The following DMD variants were observed in gnomAD, a reference collection of about 807,000 sequenced individuals.
DMD encodes the protein dystrophin.
DMD carries 63 observed loss-of-function variants against 330.1 expected under a neutral mutation model. That is an observed-to-expected ratio of 0.19 (90% CI 0.16 to 0.24). DMD has a LOEUF of 0.24. Ranked by LOEUF, DMD falls within the 10% of genes least tolerant of loss-of-function variation. DMD has a pLI of 1.00. For missense variants in DMD, 3,344 were observed against 2,684.1 expected (o/e 1.25, Z -5.43); for synonymous variants, 1,223 against 959.8 (o/e 1.27, Z -5.07).
chrX:33,214,428 C>G (rs2052015342), upstream of DMD, among the ~76,000 whole-genome samples: 1 of 111,458 alleles, frequency 9.0e-6, no homozygotes, highest in Non-Finnish European at 1.9e-5. Flanking sequence ...GTTTTTACCG[C>G]ATTGATTCCT....
At chrX:31,831,817 T>C (rs969817519) in intron 49 of DMD, among the ~76,000 whole-genome samples, 15 of 112,233 alleles carry the variant, frequency 1.3e-4, no homozygotes, top group East Asian at 2.8e-4. Flanking sequence ...TTAGCCAGGA[T>C]GGTCTCGATC....
At chrX:32,994,290 A>C (rs1395925583) in intron 2 of DMD, among the ~76,000 whole-genome samples, 2 of 108,755 alleles carry the variant, frequency 1.8e-5, no homozygotes, top group Admixed American at 2.0e-4. Context: ...TATGTCCTAA[A>C]TCCCACTAAC....
chrX:31,982,952 A>G (rs2095485616), intron 44 of DMD, among the ~76,000 whole-genome samples: 1 of 80,435 alleles, frequency 1.2e-5, no homozygotes, highest in African/African-American at 3.7e-5. Context: ...CCTCTAATAT[A>G]ATTTCAGAGC....
In DMD at chrX:32,892,170, G is replaced by C. The variant is rs185613812; in HGVS notation, c.94-42350C>G. ...CACATGATCCACATGATCTGGCCTC[G>C]GCTTTCCCTCAACCCCTTACAACTG... On this transcript the variant is annotated intron_variant, in intron 2 of 78. Transcript: ENST00000357033. Among the ~76,000 whole-genome samples the C allele has an allele frequency of 7.7e-3, 855 of 111,748 alleles. 5 individuals are homozygous for C. The highest frequency in any genetic ancestry group is 0.011 in the Non-Finnish European group (596 of 53,118).
intron 12 of DMD, among the ~76,000 whole-genome samples, chrX:32,609,107 TG>T (rs1435558718): frequency 9.1e-6 from 1 of 110,364 alleles, no homozygotes; most frequent in African/African-American, 3.3e-5. Context: ...TTGAGCTTTT[TG>T]TTCATATCCT....
chrX:31,992,757 G>A (rs1252209643), intron 44 of DMD, among the ~76,000 whole-genome samples: 1 of 111,160 alleles, frequency 9.0e-6, no homozygotes, highest in Non-Finnish European at 1.9e-5. Flanking sequence ...AAATGAAAAT[G>A]AAACTAGAAA....
chrX:32,150,154 G>A (rs1362058347), intron 44 of DMD, among the ~76,000 whole-genome samples: 1 of 112,339 alleles, frequency 8.9e-6, no homozygotes, highest in East Asian at 2.8e-4. Context: ...AAACGGATGT[G>A]AAAGGATATG....
intron 2 of DMD, among the ~76,000 whole-genome samples, chrX:32,969,027 C>CCAAAAAAAAAAAAAAAA (rs2092280100): frequency 3.0e-4 from 6 of 19,813 alleles, no homozygotes; most frequent in African/African-American, 9.4e-4. Context: ...GATTCTGTCT[C>CCAAAAAAAAAAAAAAAA]AAAAAAAAAA....
At chrX:31,259,455 T>C (rs1330745281) in intron 63 of DMD, among the ~76,000 whole-genome samples, 1 of 111,835 alleles carries the variant, frequency 8.9e-6, no homozygotes, top group Non-Finnish European at 1.9e-5. Flanking sequence ...CCACCTGTGG[T>C]ATAAACAGTC....
At chrX:31,521,264 G>A (rs1285995922) in intron 55 of DMD, among the ~76,000 whole-genome samples, 3 of 109,033 alleles carry the variant, frequency 2.8e-5, no homozygotes, top group Non-Finnish European at 5.7e-5. Flanking sequence ...CTGGGTTCAA[G>A]CGATTCTCCT....
chrX:31,934,538 C>T lies in DMD; in HGVS notation c.6615-2311G>A, dbSNP rs184511735. 6.3e-5 allele frequency among the ~76,000 whole-genome samples: 7 copies of T among 111,417 alleles called. No homozygotes were observed. In the East Asian group the frequency reaches 1.1e-3, roughly 18 times the overall value. ...AGGGTACGTGAGATATTTTGATACACGCATGCAATGAGAAATAAGCACATC... is the reference window on the plus strand; with the variant it reads ...AGGGTACGTGAGATATTTTGATACATGCATGCAATGAGAAATAAGCACATC... On this transcript the variant is annotated intron_variant, in intron 45 of 78. Transcript: ENST00000357033.
At position 32,688,695 on chromosome X, in the gene DMD, C is replaced by G. The variant is rs949957698; in HGVS notation, c.960+9175G>C. On this transcript the variant is annotated intron_variant, in intron 9 of 78. Transcript: ENST00000357033. Reference sequence around the variant, plus strand: ...AGTAATAGAGAGAAAATAGCATATGCAGGTCCCACAGACTAGATTCCTATT... The same window carrying G: ...AGTAATAGAGAGAAAATAGCATATGGAGGTCCCACAGACTAGATTCCTATT... 3.6e-5 allele frequency among the ~76,000 whole-genome samples: 4 copies of G among 111,452 alleles called. No individual in the cohort carries two copies. In the Admixed American group the frequency reaches 3.8e-4, roughly 11 times the overall value.
chrX:31,775,563 C>T (rs58542673), intron 50 of DMD, among the ~76,000 whole-genome samples: 4,400 of 110,886 alleles, frequency 0.04, 228 homozygotes, highest in African/African-American at 0.14. Context: ...ATAATATAAC[C>T]AGAAGATTGG....
Position 31,277,355 on chromosome X carries a change from A to C in DMD, c.9225-16339T>G, listed in dbSNP as rs566924073. 1.6e-4 allele frequency among the ~76,000 whole-genome samples: 18 copies of C among 112,028 alleles called. No homozygotes were observed. The South Asian group carries it at 6.4e-3, about 40-fold the overall frequency. ...TCTACATGCCTAATATATTTCAGTA[A>C]AAAAGTGTTTTAAAAGGTGGGTATA... On this transcript the variant is annotated intron_variant, in intron 62 of 78. Transcript: ENST00000357033.
At chrX:31,374,759 A>AC (rs973074663) in intron 60 of DMD, among the ~76,000 whole-genome samples, 48 of 107,975 alleles carry the variant, frequency 4.4e-4, no homozygotes, top group Non-Finnish European at 3.3e-4. Context: ...CCAGCATGGC[A>AC]CATGTATACA....
intron 1 of DMD, among the ~76,000 whole-genome samples, chrX:33,179,312 A>T (rs1014404032): frequency 8.9e-6 from 1 of 111,819 alleles, no homozygotes; most frequent in Admixed American, 9.6e-5. Flanking sequence ...TATAAAATTG[A>T]ATTTGGGTCT....
intron 2 of DMD, among the ~76,000 whole-genome samples, chrX:32,896,874 C>T (rs1055955909): frequency 2.7e-5 from 3 of 112,121 alleles, no homozygotes; most frequent in Admixed American, 9.4e-5. Context: ...CACTGTGGTA[C>T]GCAGAACTTG....
intron 52 of DMD, among the ~76,000 whole-genome samples, chrX:31,728,305 G>A (rs1340240821): frequency 8.9e-6 from 1 of 112,356 alleles, no homozygotes; most frequent in Non-Finnish European, 1.9e-5. Context: ...GATTACAGGC[G>A]TGAGCCACCG....
At chrX:32,252,862 A>G (rs1314720203) in intron 43 of DMD, among the ~76,000 whole-genome samples, 15 of 64,715 alleles carry the variant, frequency 2.3e-4, no homozygotes, top group Non-Finnish European at 8.2e-5. Flanking sequence ...ATATATATAA[A>G]TATATAAATA....
Sources: gnomAD v4.1 joint callset for allele counts (sites outside exome capture counted in the v4.1 genomes callset) on GRCh38, gnomAD v4.1.1 for gene constraint, MANE v1.5 for transcripts, NCBI Gene and HGNC (gene_info 2026-07-23, HGNC 2026-07-21) for gene names.